USP13: variants seen among roughly 807,000 people sequenced by gnomAD.
USP13 encodes the protein ubiquitin specific peptidase 13.
In USP13, 68 loss-of-function variants were observed where a neutral mutation model predicts 107.8. The ratio of observed to expected loss-of-function variants is 0.63; its 90% CI spans 0.52 to 0.77. The LOEUF is 0.77. Among genes scored for constraint, USP13 ranks in the 30% least tolerant of loss-of-function variants. The pLI, the probability that USP13 is intolerant of heterozygous loss-of-function variation, is 0.00. For missense variants in USP13, 945 were observed against 1,093.3 expected (o/e 0.86, Z 1.91); for synonymous variants, 377 against 389.5 (o/e 0.97, Z 0.38).
intron 8 of USP13, among the ~76,000 whole-genome samples, chr3:179,722,567 C>T (rs1490023092): frequency 6.6e-6 from 1 of 152,030 alleles, no homozygotes; most frequent in Non-Finnish European, 1.5e-5. Context: ...TACAGGTACG[C>T]AATGTGTAAT....
chr3:179,710,317 C>T (rs1712876895), intron 6 of USP13, among the ~76,000 whole-genome samples: 1 of 152,086 alleles, frequency 6.6e-6, no homozygotes, highest in Admixed American at 6.6e-5. Context: ...TCTCCTTGTC[C>T]TTTTAGGGGA....
At chr3:179,733,398 A>G (rs1234696615) in intron 10 of USP13, among the ~76,000 whole-genome samples, 2 of 152,160 alleles carry the variant, frequency 1.3e-5, no homozygotes, top group Non-Finnish European at 2.9e-5. Context: ...GTCCGTTTCA[A>G]GCTGTTCCTT....
intron 6 of USP13, among the ~76,000 whole-genome samples, chr3:179,716,551 G>C (rs1156846806): frequency 6.6e-6 from 1 of 152,196 alleles, no homozygotes; most frequent in Non-Finnish European, 1.5e-5. Flanking sequence ...AACCTTGGTG[G>C]TTGAACAAGG....
chr3:179,759,666 G>A (rs1436527261), intron 16 of USP13, among the ~76,000 whole-genome samples: 2 of 152,086 alleles, frequency 1.3e-5, no homozygotes, highest in African/African-American at 2.4e-5. Flanking sequence ...TTGTAAGAGA[G>A]CACTTTGGTA....
chr3:179,686,312 T>C (rs1422558455), intron 2 of USP13, among the ~76,000 whole-genome samples: 1 of 152,350 alleles, frequency 6.6e-6, no homozygotes, highest in African/African-American at 2.4e-5. Flanking sequence ...GCTCACTCAG[T>C]GGCTCACACC....
At chr3:179,657,780 A>G (rs76067807) in intron 1 of USP13, among the ~76,000 whole-genome samples, 21,981 of 145,638 alleles carry the variant, frequency 0.15, 1,945 homozygotes, top group Non-Finnish European at 0.2. Context: ...AAAAAAAAAA[A>G]AAAAAAGAAA....
chr3:179,700,116 A>G (rs1055053260), intron 3 of USP13, among the ~76,000 whole-genome samples: 12 of 152,250 alleles, frequency 7.9e-5, no homozygotes, highest in Admixed American at 2.0e-4. Flanking sequence ...CCATATACAT[A>G]TTGTGACAAG....
At chr3:179,686,885 C>T (rs9816744) in intron 2 of USP13, among the ~76,000 whole-genome samples, 38,597 of 152,098 alleles carry the variant, frequency 0.25, 5,520 homozygotes, top group African/African-American at 0.38. Context: ...TCTTTGACAC[C>T]ATTCTTTCTT....
chr3:179,763,950 C>T, intron 17 of USP13, 52 bp from the exon 18 acceptor site: 1 of 1,225,928 alleles, frequency 8.2e-7, no homozygotes, highest in South Asian at 1.7e-5. Context: ...TGTTTCAGGA[C>T]AAAAAAAAAA....
At chr3:179,693,806 T>C (rs1712192301) in intron 3 of USP13, among the ~76,000 whole-genome samples, 1 of 152,106 alleles carries the variant, frequency 6.6e-6, no homozygotes, top group Non-Finnish European at 1.5e-5. Flanking sequence ...CCCGAGTAGC[T>C]GGGATTACAG....
Position 179,786,756 on chromosome 3 carries a change from C to T in USP13, c.*2615C>T, listed in dbSNP as rs1033833404. The T allele has an allele frequency of 5.3e-5, 8 of 152,186 alleles. No homozygotes were observed. The highest frequency in any genetic ancestry group is 1.7e-4 in the African/African-American group (7 of 41,446). The allele number at this position is 152,186 out of a possible 1,614,324, so 9.4% of individuals were successfully genotyped here. A position where few individuals can be genotyped will look rare whatever the true frequency, so the allele number is the denominator to read the frequency against. Reference sequence around the variant, plus strand: ...TATTTGTGACTGAAAAGTGGAATAACGTGTGGATTTTGTCAACTCATTATC... The same window carrying T: ...TATTTGTGACTGAAAAGTGGAATAATGTGTGGATTTTGTCAACTCATTATC... On this transcript the variant is annotated 3_prime_UTR_variant, in exon 21 of 21. Coordinates refer to ENST00000263966, the MANE Select transcript of USP13 (RefSeq NM_003940.3).
chr3:179,688,493 A>G (rs1249710552), intron 2 of USP13, among the ~76,000 whole-genome samples: 3 of 152,254 alleles, frequency 2.0e-5, no homozygotes, highest in African/African-American at 7.2e-5. Flanking sequence ...CCAGCATAGA[A>G]TCTGACACAT....
intron 2 of USP13, among the ~76,000 whole-genome samples, chr3:179,689,177 G>A (rs1037470330): frequency 6.6e-6 from 1 of 152,184 alleles, no homozygotes; most frequent in Non-Finnish European, 1.5e-5. Flanking sequence ...ACACATGGTG[G>A]TCTGCTGGAA....
rs535867664 is a variant in USP13, at chr3:179,734,230, C to T, written c.1254+3521C>T. On this transcript the variant is annotated intron_variant, in intron 10 of 20. Transcript: ENST00000263966. ...AGGCAGCAGTATTTATTTGTGGTACCGCCATTTTTACTTAAATATGTTGAA... is the reference window on the plus strand; with the variant it reads ...AGGCAGCAGTATTTATTTGTGGTACTGCCATTTTTACTTAAATATGTTGAA... 1.4e-4 allele frequency among the ~76,000 whole-genome samples: 21 copies of T among 152,236 alleles called. No individual in the cohort carries two copies. In the South Asian group the frequency reaches 3.7e-3, roughly 27 times the overall value.
intron 19 of USP13, among the ~76,000 whole-genome samples, chr3:179,774,538 C>T (rs1159343933): frequency 6.6e-6 from 1 of 151,684 alleles, no homozygotes; most frequent in Non-Finnish European, 1.5e-5. Context: ...TTCCTCCTGT[C>T]CGGAGTTGCT....
intron 1 of USP13, among the ~76,000 whole-genome samples, chr3:179,679,024 G>A (rs540298693): frequency 2.6e-5 from 4 of 152,214 alleles, no homozygotes; most frequent in African/African-American, 9.6e-5. Context: ...ATATGCTACA[G>A]TAGGAGGCAC....
intron 8 of USP13, among the ~76,000 whole-genome samples, chr3:179,726,699 A>G (rs1713527008): frequency 6.9e-6 from 1 of 145,110 alleles, no homozygotes. Context: ...TTTTTTTGAG[A>G]TAGGGTCTTG....
intron 13 of USP13, among the ~76,000 whole-genome samples, chr3:179,745,521 T>C (rs532187844): frequency 2.0e-5 from 3 of 148,794 alleles, no homozygotes; most frequent in African/African-American, 7.8e-5. Flanking sequence ...TTCCTTTCTT[T>C]CTTCCTTTCT....
At chr3:179,709,725 T>A (rs1457745563) in intron 6 of USP13, among the ~76,000 whole-genome samples, 1 of 152,216 alleles carries the variant, frequency 6.6e-6, no homozygotes, top group Non-Finnish European at 1.5e-5. Context: ...ATTGGAAACA[T>A]TTGTTAAACA....
Sources: allele counts gnomAD v4.1 joint callset (sites outside exome capture counted in the v4.1 genomes callset), GRCh38; gene constraint gnomAD v4.1.1; transcripts MANE v1.5; gene names NCBI Gene and HGNC (gene_info 2026-07-23, HGNC 2026-07-21).